Variants in GRM7 observed in about 807,000 individuals in gnomAD.
GRM7 encodes glutamate metabotropic receptor 7.
A neutral mutation model predicts 84.5 loss-of-function variants in GRM7; 35 were observed. That is an observed-to-expected ratio of 0.41 (90% CI 0.32 to 0.55). GRM7 has a LOEUF of 0.55. Among genes scored for constraint, GRM7 ranks in the 20% least tolerant of loss-of-function variants. GRM7 has a pLI of 0.19. For synonymous variants in GRM7, 487 were observed against 455.1 expected, an observed-to-expected ratio of 1.07 and a Z score of -0.89; for missense variants, 1,003 against 1,194.6, an observed-to-expected ratio of 0.84 and a Z score of 2.36.
In GRM7 at chr3:7,686,144, C is replaced by T. The variant is rs561379196; in HGVS notation, c.2698+5849C>T. 7.2e-5 allele frequency among the ~76,000 whole-genome samples: 11 copies of T among 152,214 alleles called. 1 individual carries two copies. The East Asian group carries it at 1.9e-3, about 27-fold the overall frequency. ...AACTCAAGCAAGTAAAACCCAACTCCCTTAACTCAAGAGGCACCAGTACTC... is the reference window on the plus strand; with the variant it reads ...AACTCAAGCAAGTAAAACCCAACTCTCTTAACTCAAGAGGCACCAGTACTC... On this transcript the variant is annotated intron_variant, in intron 9 of 9. Coordinates refer to ENST00000357716, the MANE Select transcript of GRM7 (RefSeq NM_000844.4).
intron 2 of GRM7, among the ~76,000 whole-genome samples, chr3:7,242,155 T>A (rs1238554331): frequency 6.6e-6 from 1 of 152,146 alleles, no homozygotes; most frequent in African/African-American, 2.4e-5. Context: ...CAGGACAAGA[T>A]TAAACAAAGA....
chr3:6,887,410 G>A (rs1466939122), intron 1 of GRM7, among the ~76,000 whole-genome samples: 1 of 151,396 alleles, frequency 6.6e-6, no homozygotes, highest in Non-Finnish European at 1.5e-5. Flanking sequence ...TCCACAGAGT[G>A]TGATGTTCCC....
chr3:6,985,515 A>G (rs940794322), intron 1 of GRM7, among the ~76,000 whole-genome samples: 1 of 152,204 alleles, frequency 6.6e-6, no homozygotes. Context: ...CCACTTTCAC[A>G]AATATGTTGT....
chr3:6,878,378 C>CATGTGTGTGTGTGTGTGTGTGT (rs58886076), intron 1 of GRM7, among the ~76,000 whole-genome samples: 1 of 141,968 alleles, frequency 7.0e-6, no homozygotes, highest in African/African-American at 2.6e-5. Context: ...TATGTGTTTG[C>CATGTGTGTGTGTGTGTGTGTGT]GTGTGTGTGT....
chr3:7,459,879 C>G (rs1217459557), intron 6 of GRM7, among the ~76,000 whole-genome samples: 1 of 151,774 alleles, frequency 6.6e-6, no homozygotes, highest in East Asian at 1.9e-4. Flanking sequence ...CTTGGTAGTT[C>G]CAGGAGCAGA....
chr3:7,359,194 T>G (rs1693550198), intron 4 of GRM7, among the ~76,000 whole-genome samples: 1 of 137,252 alleles, frequency 7.3e-6, no homozygotes, highest in African/African-American at 2.8e-5. Context: ...CTTCTTTGCC[T>G]TTACCATTTG....
intron 8 of GRM7, among the ~76,000 whole-genome samples, chr3:7,583,732 A>G (rs539119917): frequency 6.6e-6 from 1 of 152,344 alleles, no homozygotes; most frequent in African/African-American, 2.4e-5. Flanking sequence ...GCCAAATGCC[A>G]TACAGCAAGG....
At chr3:7,198,744 G>T (rs1424155974) in intron 2 of GRM7, among the ~76,000 whole-genome samples, 1 of 152,120 alleles carries the variant, frequency 6.6e-6, no homozygotes, top group Non-Finnish European at 1.5e-5. Context: ...ATGGGTACTT[G>T]GAGTACAGTT....
intron 9 of GRM7, chr3:7,693,705 C>G (rs1700903568): frequency 6.7e-7 from 1 of 1,483,660 alleles, no homozygotes. Flanking sequence ...AAGTATCTGT[C>G]CTTCTAAGTG....
At chr3:7,628,893 C>T (rs752193733) in intron 8 of GRM7, among the ~76,000 whole-genome samples, 2 of 152,266 alleles carry the variant, frequency 1.3e-5, no homozygotes, top group African/African-American at 2.4e-5. Context: ...TCACAATTGG[C>T]CCTGTAGATC....
intron 5 of GRM7, among the ~76,000 whole-genome samples, chr3:7,427,158 T>C (rs961159890): frequency 4.6e-5 from 7 of 152,214 alleles, no homozygotes; most frequent in Non-Finnish European, 1.0e-4. Flanking sequence ...ATATTTGAAT[T>C]GACAAGTGTT....
At chr3:7,120,268 A>C (rs1353747217) in intron 1 of GRM7, among the ~76,000 whole-genome samples, 2 of 152,116 alleles carry the variant, frequency 1.3e-5, no homozygotes, top group African/African-American at 4.8e-5. Context: ...ATAGGAGACT[A>C]AAGTTTGTCA....
chr3:7,712,909 A>G (rs1229907348), intron 9 of GRM7, among the ~76,000 whole-genome samples: 2 of 151,956 alleles, frequency 1.3e-5, no homozygotes, highest in African/African-American at 4.8e-5. Context: ...TAGCTCCATC[A>G]TTCCCATCTC....
chr3:7,515,840 G>T (rs1410240079), intron 7 of GRM7, among the ~76,000 whole-genome samples: 1 of 152,070 alleles, frequency 6.6e-6, no homozygotes, highest in South Asian at 2.1e-4. Context: ...GCATGAGGCT[G>T]ATATAAAAAT....
At position 6,909,358 on chromosome 3, in the gene GRM7, G is replaced by A. The variant is rs555299314; in HGVS notation, c.519+47451G>A. Among the ~76,000 whole-genome samples the A allele has an allele frequency of 5.3e-5, 8 of 152,162 alleles. No homozygotes were observed. The East Asian group carries it at 7.7e-4, about 15-fold the overall frequency. ...TTTCTCTCTGCCTTCTATCCCTCAC[G>A]TGTATAATAAAGCAAACCACCCATT... On this transcript the variant is annotated intron_variant, in intron 1 of 9. Coordinates refer to ENST00000357716, the MANE Select transcript of GRM7 (RefSeq NM_000844.4).
At chr3:7,060,701 G>A (rs544246690) in intron 1 of GRM7, among the ~76,000 whole-genome samples, 87 of 150,798 alleles carry the variant, frequency 5.8e-4, no homozygotes, top group African/African-American at 2.0e-3. Flanking sequence ...GATTAATGAT[G>A]TCTAATAAAA....
At chr3:7,210,820 G>A (rs958446142) in intron 2 of GRM7, among the ~76,000 whole-genome samples, 1 of 148,680 alleles carries the variant, frequency 6.7e-6, no homozygotes, top group Non-Finnish European at 1.5e-5. Context: ...TTTTTTTGAG[G>A]AATTATAATG....
chr3:7,594,158 C>G (rs1216191839), intron 8 of GRM7, among the ~76,000 whole-genome samples: 1 of 152,090 alleles, frequency 6.6e-6, no homozygotes, highest in Non-Finnish European at 1.5e-5. Context: ...GTCTCATTCA[C>G]CTGTCCAGTG....
chr3:7,586,061 A>G (rs948418340), intron 8 of GRM7, among the ~76,000 whole-genome samples: 2 of 152,132 alleles, frequency 1.3e-5, no homozygotes, highest in Non-Finnish European at 2.9e-5. Context: ...TGTATCACTT[A>G]ACTTATTTGG....
Sources: gnomAD v4.1 joint callset for allele counts (sites outside exome capture counted in the v4.1 genomes callset) on GRCh38, gnomAD v4.1.1 for gene constraint, MANE v1.5 for transcripts, NCBI Gene and HGNC (gene_info 2026-07-23, HGNC 2026-07-21) for gene names.